The following DAB1 variants were observed in gnomAD, a reference collection of about 807,000 sequenced individuals.
DAB1 encodes the protein DAB adaptor protein 1, also known as disabled homolog 1.
A neutral mutation model predicts 64.6 loss-of-function variants in DAB1; 15 were observed. The observed-to-expected ratio is 0.23, with a 90% CI of 0.16 to 0.36. DAB1 has a LOEUF of 0.36. Ranked by LOEUF, DAB1 falls within the 10% of genes least tolerant of loss-of-function variation. The pLI is 1.00. For synonymous variants in DAB1, 235 were observed against 251.9 expected (o/e 0.93, Z 0.64); for missense variants, 596 against 706.7 (o/e 0.84, Z 1.78).
At chr1:57,306,175 C>T (rs970366582) in intron 1 of DAB1, among the ~76,000 whole-genome samples, 3 of 152,042 alleles carry the variant, frequency 2.0e-5, no homozygotes, top group African/African-American at 4.8e-5. Context: ...GGTCCCACTC[C>T]TATGGTAAAT....
intron 3 of DAB1, among the ~76,000 whole-genome samples, chr1:58,486,214 C>T (rs1437072507): frequency 6.6e-6 from 1 of 152,162 alleles, no homozygotes; most frequent in Non-Finnish European, 1.5e-5. Context: ...CAGGACCTTA[C>T]CTACAGAAAT....
chr1:58,369,294 G>A (rs992244841), intron 3 of DAB1, among the ~76,000 whole-genome samples: 10 of 151,822 alleles, frequency 6.6e-5, no homozygotes, highest in South Asian at 2.1e-4. Flanking sequence ...TTGTCTCGCC[G>A]TTTCCTTCTG....
At chr1:57,122,523 C>T (rs1301346153) in intron 4 of DAB1, among the ~76,000 whole-genome samples, 1 of 152,074 alleles carries the variant, frequency 6.6e-6, no homozygotes, top group East Asian at 1.9e-4. Context: ...AGAGAAATAA[C>T]CTCAAGAGGT....
intron 4 of DAB1, among the ~76,000 whole-genome samples, chr1:58,293,248 G>A (rs1463969938): frequency 2.0e-5 from 3 of 152,152 alleles, no homozygotes; most frequent in Non-Finnish European, 4.4e-5. Flanking sequence ...CATGACATCC[G>A]CCAGCAGCCA....
chr1:57,504,741 G>A (rs79496513), intron 7 of DAB1, among the ~76,000 whole-genome samples: 10 of 152,208 alleles, frequency 6.6e-5, no homozygotes, highest in East Asian at 1.9e-4. Flanking sequence ...TGGAGAAGCC[G>A]GACAAACACT....
In DAB1 at chr1:57,162,139, G is replaced by T. The variant is rs150176615; in HGVS notation, c.68-16710C>A. Among the ~76,000 whole-genome samples, 3 of 152,178 alleles carry T rather than the reference G, an allele frequency of 2.0e-5. 1 individual carries two copies. The South Asian group carries it at 6.2e-4, about 32-fold the overall frequency. On this transcript the variant is annotated intron_variant, in intron 2 of 14. Coordinates refer to ENST00000371236, the MANE Select transcript of DAB1 (RefSeq NM_001365792.1). The stretch of plus-strand genomic sequence containing the variant: ...AGAATGCCTCCTTGGAGCCTTTCAC[G>T]CTTATCAGAGTTGTTGCTTCATCAT...
chr1:57,538,836 CT>C (rs1347844900), intron 7 of DAB1, among the ~76,000 whole-genome samples: 1 of 152,162 alleles, frequency 6.6e-6, no homozygotes, highest in East Asian at 1.9e-4. Flanking sequence ...CAATGAGATT[CT>C]TTTGAGCCCA....
At chr1:57,636,350 T>G (rs1411885101) in intron 7 of DAB1, among the ~76,000 whole-genome samples, 1 of 152,152 alleles carries the variant, frequency 6.6e-6, no homozygotes, top group East Asian at 1.9e-4. Context: ...CCTCCCAGTC[T>G]GTGGTATTTT....
In DAB1 at chr1:57,277,631, C is replaced by T. The variant is rs139402823; in HGVS notation, c.67+13333G>A. ...ACTGCTTCAGAATGACATTCAATGT[C>T]TTTAGCACATGCTTCTGTATCACTG... On this transcript the variant is annotated intron_variant, in intron 2 of 14. Transcript: ENST00000371236. 3.0e-3 allele frequency among the ~76,000 whole-genome samples: 454 copies of T among 152,312 alleles called. 1 individual carries two copies. The highest frequency in any genetic ancestry group is 0.01 in the African/African-American group (421 of 41,570).
chr1:58,044,194 C>A (rs1473420761), intron 5 of DAB1, among the ~76,000 whole-genome samples: 1 of 152,098 alleles, frequency 6.6e-6, no homozygotes, highest in African/African-American at 2.4e-5. Context: ...AAGTTGGAGA[C>A]CAGAAGGAGG....
intron 3 of DAB1, among the ~76,000 whole-genome samples, chr1:58,441,088 G>A (rs1194184068): frequency 6.6e-6 from 1 of 152,128 alleles, no homozygotes; most frequent in African/African-American, 2.4e-5. Flanking sequence ...CAGAAGACTG[G>A]GCCTGCACAT....
chr1:58,216,973 G>A (rs1008377502), intron 4 of DAB1, among the ~76,000 whole-genome samples: 8 of 152,196 alleles, frequency 5.3e-5, no homozygotes, highest in South Asian at 2.1e-4. Flanking sequence ...AACACAAAGC[G>A]GGCTGAATTC....
intron 1 of DAB1, among the ~76,000 whole-genome samples, chr1:58,533,231 A>T (rs975815005): frequency 1.3e-5 from 2 of 152,220 alleles, no homozygotes; most frequent in Admixed American, 6.5e-5. Context: ...TATGATCTAT[A>T]AGAAAAGCGC....
intron 1 of DAB1, among the ~76,000 whole-genome samples, chr1:57,831,662 C>T (rs1652597166): frequency 6.6e-6 from 1 of 150,842 alleles, no homozygotes; most frequent in Admixed American, 6.6e-5. Context: ...CCCAGCTCAG[C>T]TTCCTGTATA....
chr1:58,001,666 A>C (rs1646509118), intron 5 of DAB1, among the ~76,000 whole-genome samples: 1 of 152,168 alleles, frequency 6.6e-6, no homozygotes. Context: ...GTAAGGATTA[A>C]AAAGACCACA....
intron 3 of DAB1, among the ~76,000 whole-genome samples, chr1:58,413,111 T>G (rs1644686548): frequency 6.6e-6 from 1 of 152,134 alleles, no homozygotes; most frequent in Non-Finnish European, 1.5e-5. Flanking sequence ...GAGCATTAGG[T>G]GAGTTAAGGA....
chr1:57,768,472 C>T (rs1461503378), intron 6 of DAB1, among the ~76,000 whole-genome samples: 3 of 150,710 alleles, frequency 2.0e-5, no homozygotes, highest in Non-Finnish European at 3.0e-5. Context: ...TTTTTTGTTC[C>T]CCAAGAAGCT....
intron 7 of DAB1, among the ~76,000 whole-genome samples, chr1:57,609,487 G>A (rs545458024): frequency 3.3e-5 from 5 of 152,228 alleles, no homozygotes; most frequent in African/African-American, 1.2e-4. Flanking sequence ...GGGGATCCTC[G>A]AGACGAATTC....
rs1197776233 is a variant in DAB1 at position 57,706,481 on chromosome 1, C to T, written n.552-56816G>A. 2.6e-5 allele frequency among the ~76,000 whole-genome samples: 4 copies of T among 151,934 alleles called. No homozygotes were observed. The East Asian group carries it at 7.8e-4, about 30-fold the overall frequency. On this transcript the variant is annotated intron_variant and non_coding_transcript_variant, in intron 6 of 20. Transcript: ENST00000485760. ...TACAGGTGCACACTACCACACTCAG[C>T]TAATTTTTGTATTTTTTTGTAGAGA...
Sources: gnomAD v4.1 joint callset for allele counts (sites outside exome capture counted in the v4.1 genomes callset) on GRCh38, gnomAD v4.1.1 for gene constraint, MANE v1.5 for transcripts, NCBI Gene and HGNC (gene_info 2026-07-23, HGNC 2026-07-21) for gene names.